The following EVC2 variants were observed in gnomAD, a reference collection of about 807,000 sequenced individuals.
EVC2 encodes EvC ciliary complex subunit 2, also known as limbin.
EVC2 carries 148 observed loss-of-function variants against 149.3 expected under a neutral mutation model. The observed-to-expected ratio is 0.99, with a 90% confidence interval of 0.87 to 1.14. The LOEUF is 1.14. EVC2 is among the 50% of genes most tolerant of loss of function. EVC2 has a pLI of 0.00. For missense variants in EVC2, 1,854 were observed against 1,627.3 expected, an observed-to-expected ratio of 1.14 and a Z score of -2.40; for synonymous variants, 776 against 649.9, an observed-to-expected ratio of 1.19 and a Z score of -2.95.
chr4:5,601,237 C>T (rs922176148), intron 16 of EVC2, among the ~76,000 whole-genome samples: 1 of 151,980 alleles, frequency 6.6e-6, no homozygotes, highest in Non-Finnish European at 1.5e-5. Context: ...GACCACATAC[C>T]TGGGAAAGCC....
At chr4:5,616,800 C>G (rs1270306904) in intron 15 of EVC2, among the ~76,000 whole-genome samples, 1 of 152,118 alleles carries the variant, frequency 6.6e-6, no homozygotes, top group Non-Finnish European at 1.5e-5. Context: ...GAGCGAGCAC[C>G]TTCGCGAAAA....
chr4:5,562,305 G>T, downstream of EVC2: 1 of 308,942 alleles, frequency 3.2e-6, no homozygotes, highest in Non-Finnish European at 4.8e-6. The surrounding 1 kb of genome is among the most constrained non-coding windows in gnomAD (Gnocchi z 4.3). Context: ...CCCAGGGGCT[G>T]ACACATGTTT....
At chr4:5,663,038 G>T in intron 9 of EVC2, 69 bp downstream of exon 9, 1 of 1,583,046 alleles carries the variant, frequency 6.3e-7, no homozygotes, top group Non-Finnish European at 8.7e-7. Flanking sequence ...CTCAGCATTT[G>T]GCCTTATGTC....
chr4:5,551,905 T>C (rs767528015), intron 21 of EVC2, among the ~76,000 whole-genome samples: 1 of 152,184 alleles, frequency 6.6e-6, no homozygotes, highest in African/African-American at 2.4e-5. Flanking sequence ...ACCATCCATG[T>C]AAGATGTGAC....
chr4:5,637,841 G>T lies in EVC2; in HGVS notation c.1470+2673C>A, dbSNP rs1224017156. ...TTTTTTCAGGGCTTTTTCTTTTTCA[G>T]CTTTGGTTCTGAAATCAGACAGCCT... On this transcript the variant is annotated intron_variant, in intron 10 of 21. Coordinates refer to ENST00000344408, the MANE Select transcript of EVC2 (RefSeq NM_147127.5). The surrounding 1 kb of genome is among the most constrained non-coding windows in gnomAD (Gnocchi z 4.4). Among the ~76,000 whole-genome samples, 6 of 149,848 alleles carry T rather than the reference G, an allele frequency of 4.0e-5. No individual in the cohort carries two copies. Among genetic ancestry groups the T allele is most frequent in the Non-Finnish European group, 8.9e-5 (6 of 67,616 alleles).
At chr4:5,612,922 CAAAAAAAAAAAAAAAA>C (rs34505528) in intron 16 of EVC2, among the ~76,000 whole-genome samples, 2 of 26,800 alleles carry the variant, frequency 7.5e-5, no homozygotes, top group Non-Finnish European at 1.4e-4. Context: ...ACTCTGTCTC[CAAAAAAAAAAAAAAAA>C]AAAAAAAAAA....
At chr4:5,548,505 T>A (rs1721665770) in intron 21 of EVC2, among the ~76,000 whole-genome samples, 1 of 151,632 alleles carries the variant, frequency 6.6e-6, no homozygotes, top group Non-Finnish European at 1.5e-5. Context: ...ATTAAACACA[T>A]ATTTTATTTA....
chr4:5,593,747 T>C (rs988373420), intron 16 of EVC2, among the ~76,000 whole-genome samples: 2 of 152,060 alleles, frequency 1.3e-5, no homozygotes, highest in African/African-American at 2.4e-5. Context: ...GCACCGTGCG[T>C]GAGCCAAAGC....
At chr4:5,620,941 A>G (rs73198146) in intron 14 of EVC2, among the ~76,000 whole-genome samples, 3,600 of 152,376 alleles carry the variant, frequency 0.024, 109 homozygotes, top group African/African-American at 0.071. Context: ...AATCATGGGA[A>G]TAAGAAATGA....
chr4:5,536,848 G>A, the EVC2 span, among the ~76,000 whole-genome samples: 1,411 of 151,892 alleles, frequency 9.3e-3, 12 homozygotes, highest in Non-Finnish European at 0.013. Context: ...AAAGCCTCAG[G>A]AGAAAGAAAA....
chr4:5,698,881 C>T (rs1721652258), intron 1 of EVC2, among the ~76,000 whole-genome samples: 1 of 152,222 alleles, frequency 6.6e-6, no homozygotes, highest in African/African-American at 2.4e-5. Flanking sequence ...GCTTTGGGTC[C>T]AGTTCCAATG....
At chr4:5,697,536 AG>A (rs1348056238) in intron 2 of EVC2, 56 bp downstream of exon 2, 1 of 1,565,254 alleles carries the variant, frequency 6.4e-7, no homozygotes, top group Admixed American at 1.7e-5. Flanking sequence ...GGAGGGCTTC[AG>A]GCTTCTGGTT....
In EVC2 at chr4:5,615,889, C is replaced by T. The variant is rs1164377776; in HGVS notation, c.2707-345G>A. On this transcript the variant is annotated intron_variant, in intron 15 of 21. Transcript: ENST00000344408. ...TGTCAGCCTCTCTGAGAAGGGGACG[C>T]TATGAATGAGGTCCCTGTTCTGTTC... Among the ~76,000 whole-genome samples the T allele has an allele frequency of 2.0e-5, 3 of 152,196 alleles. No individual in the cohort carries two copies. The East Asian group carries it at 5.8e-4, about 29-fold the overall frequency.
At chr4:5,631,691 C>A in intron 11 of EVC2, 102 bp downstream of exon 11, 1 of 1,488,006 alleles carries the variant, frequency 6.7e-7, no homozygotes, top group Non-Finnish European at 9.2e-7. Flanking sequence ...CTCACTAGTG[C>A]ACAGTACAAA....
intron 21 of EVC2, among the ~76,000 whole-genome samples, chr4:5,543,900 CTCAGGTCTCAG>C (rs1336589783): frequency 2.0e-5 from 3 of 152,192 alleles, no homozygotes; most frequent in African/African-American, 7.2e-5. Context: ...GGCCTCAGGC[CTCAGGTCTCAG>C]CTAAGCCCGA....
rs1720191335 is a variant in EVC2 at position 5,679,294 on chromosome 4, G to C, written c.870+1966C>G. 6.6e-6 allele frequency among the ~76,000 whole-genome samples: 1 copy of C among 152,066 alleles called. No homozygotes were observed. The highest frequency in any genetic ancestry group is 2.4e-5 in the African/African-American group (1 of 41,408). On this transcript the variant is annotated intron_variant, in intron 7 of 21. Transcript: ENST00000344408. This position sits in a 1 kb window ranked among gnomAD's most constrained non-coding sequence, Gnocchi z 5.1. Reference sequence around the variant, plus strand: ...TCTGTTAACCAGGCTGGAGTGCAGTGGCATGATCTCGGCTCACTGCAACCT... The same window carrying C: ...TCTGTTAACCAGGCTGGAGTGCAGTCGCATGATCTCGGCTCACTGCAACCT...
intron 9 of EVC2, among the ~76,000 whole-genome samples, chr4:5,654,408 T>C (rs1718364295): frequency 6.6e-6 from 1 of 152,180 alleles, no homozygotes; most frequent in African/African-American, 2.4e-5. Context: ...GAATCCACAG[T>C]GCCAGAGGGG....
At chr4:5,628,417 C>CGATCT in intron 12 of EVC2, 142 bp downstream of exon 12, 1 of 1,050,342 alleles carries the variant, frequency 9.5e-7, no homozygotes, top group African/African-American at 1.6e-5. Context: ...GGCCCTCACT[C>CGATCT]GATCTTGAAC....
chr4:5,579,974 C>G (rs1010837408), intron 17 of EVC2, among the ~76,000 whole-genome samples: 4 of 152,154 alleles, frequency 2.6e-5, no homozygotes, highest in Non-Finnish European at 4.4e-5. Context: ...GTAAGTCCAC[C>G]CCATTTAAAT....
Sources: allele counts gnomAD v4.1 joint callset (sites outside exome capture counted in the v4.1 genomes callset), GRCh38; gene constraint gnomAD v4.1.1; non-coding constraint Gnocchi (gnomAD v3.1); transcripts MANE v1.5; gene names NCBI Gene and HGNC (gene_info 2026-07-23, HGNC 2026-07-21).